Variants in SORCS2 observed in about 807,000 individuals in gnomAD.
SORCS2 encodes the protein sortilin related VPS10 domain containing receptor 2.
SORCS2 carries 100 observed loss-of-function variants against 141.6 expected under a neutral mutation model. The ratio of observed to expected loss-of-function variants is 0.71; its 90% CI spans 0.60 to 0.83. SORCS2 has a LOEUF of 0.83. Ranked by LOEUF, SORCS2 falls within the 40% of genes least tolerant of loss-of-function variation. SORCS2 has a pLI of 0.00. For missense variants in SORCS2, 1,646 were observed against 1,560.2 expected (o/e 1.05, Z -0.93); for synonymous variants, 789 against 676.9 (o/e 1.17, Z -2.57).
At chr4:7,726,978 C>G in intron 21 of SORCS2, 75 bp downstream of exon 21, 1 of 1,509,730 alleles carries the variant, frequency 6.6e-7, no homozygotes, top group Non-Finnish European at 8.9e-7. Context: ...CCACATGGGT[C>G]GCGTAAGCCA....
At chr4:7,505,626 A>G (rs753244) in intron 2 of SORCS2, among the ~76,000 whole-genome samples, 3,033 of 152,166 alleles carry the variant, frequency 0.02, 63 homozygotes, top group Admixed American at 0.076. Flanking sequence ...TGTACAAAGC[A>G]GTGCACACCC....
In SORCS2 at chr4:7,235,891, A is replaced by T. The variant is rs373970549; in HGVS notation, c.480+42765A>T. The stretch of plus-strand genomic sequence containing the variant: ...GCTAGCGCTGCAATTCCATTTAGAC[A>T]GGTGTGAGCACCCGTGAAACTCTAG... On this transcript the variant is annotated intron_variant, in intron 1 of 26. Coordinates refer to ENST00000507866, the MANE Select transcript of SORCS2 (RefSeq NM_020777.3). Among the ~76,000 whole-genome samples, 5 of 152,192 alleles carry T rather than the reference A, an allele frequency of 3.3e-5. No homozygotes were observed. In the East Asian group the frequency reaches 7.7e-4, roughly 23 times the overall value.
chr4:7,728,955 C>T (rs1467514357), intron 22 of SORCS2, among the ~76,000 whole-genome samples: 1 of 152,184 alleles, frequency 6.6e-6, no homozygotes, highest in African/African-American at 2.4e-5. Flanking sequence ...TCCTCTGGAG[C>T]CACCTGAGGC....
At chr4:7,655,565 CTCTGGAATGCCGATGGCTGGT>C in intron 5 of SORCS2, among the ~76,000 whole-genome samples, 1 of 152,250 alleles carries the variant, frequency 6.6e-6, no homozygotes, top group East Asian at 1.9e-4. Context: ...AGCCTTTTTC[CTCTGGAATGCCGATGGCTGGT>C]GTACACGCCG....
intron 3 of SORCS2, among the ~76,000 whole-genome samples, chr4:7,576,705 C>T (rs756216101): frequency 2.0e-5 from 3 of 152,132 alleles, no homozygotes; most frequent in African/African-American, 7.2e-5. Context: ...AACGAAGCTA[C>T]TGTGGGCGGG....
At chr4:7,401,929 G>T (rs911309095) in intron 2 of SORCS2, among the ~76,000 whole-genome samples, 11 of 152,142 alleles carry the variant, frequency 7.2e-5, no homozygotes, top group African/African-American at 2.7e-4. Context: ...AACATATCCT[G>T]AAAAGTACCT....
At chr4:7,219,269 C>T (rs1270875350) in intron 1 of SORCS2, among the ~76,000 whole-genome samples, 1 of 152,016 alleles carries the variant, frequency 6.6e-6, no homozygotes, top group Admixed American at 6.6e-5. Flanking sequence ...TTTGAGGTAA[C>T]CCATGCGACA....
chr4:7,305,094 T>TGC (rs1717698785), intron 1 of SORCS2, among the ~76,000 whole-genome samples: 1 of 150,134 alleles, frequency 6.7e-6, no homozygotes, highest in Admixed American at 6.6e-5. Flanking sequence ...GTGCAGTGAG[T>TGC]GATCTCAGCT....
chr4:7,626,131 G>A (rs1283493277), intron 3 of SORCS2, among the ~76,000 whole-genome samples: 2 of 151,424 alleles, frequency 1.3e-5, no homozygotes, highest in South Asian at 2.1e-4. Flanking sequence ...TGGGTGACAG[G>A]GCAAGACCCT....
At chr4:7,641,212 A>T (rs960292125) in intron 4 of SORCS2, among the ~76,000 whole-genome samples, 2 of 152,152 alleles carry the variant, frequency 1.3e-5, no homozygotes, top group Admixed American at 6.5e-5. Context: ...ACTACCTGAG[A>T]CTGATTAATT....
intron 10 of SORCS2, 82 bp downstream of exon 10, chr4:7,682,971 G>A: frequency 2.0e-6 from 3 of 1,506,208 alleles, no homozygotes; most frequent in East Asian, 2.4e-5. Context: ...GTCAGAGGTG[G>A]TGATGTCTGA....
intron 1 of SORCS2, among the ~76,000 whole-genome samples, chr4:7,274,169 C>G (rs1715321334): frequency 6.6e-6 from 1 of 152,212 alleles, no homozygotes. Context: ...AAAAACAGAT[C>G]CGGCTGGACA....
At chr4:7,514,956 C>A (rs979500354) in intron 2 of SORCS2, among the ~76,000 whole-genome samples, 4 of 152,128 alleles carry the variant, frequency 2.6e-5, no homozygotes, top group Non-Finnish European at 5.9e-5. Context: ...TCAGAGGTCA[C>A]CCCCCAGGAA....
intron 1 of SORCS2, among the ~76,000 whole-genome samples, chr4:7,350,476 A>G (rs1438571597): frequency 1.3e-5 from 2 of 152,232 alleles, no homozygotes; most frequent in Non-Finnish European, 2.9e-5. Flanking sequence ...GATGTCCAAA[A>G]TCCTGCTAGA....
intron 2 of SORCS2, among the ~76,000 whole-genome samples, chr4:7,476,911 C>T (rs1490408762): frequency 1.3e-5 from 2 of 152,230 alleles, no homozygotes; most frequent in Non-Finnish European, 2.9e-5. Flanking sequence ...CAACTCAGTG[C>T]TATGTGGTCT....
chr4:7,543,766 A>G (rs1712953034), intron 3 of SORCS2, among the ~76,000 whole-genome samples: 1 of 96,836 alleles, frequency 1.0e-5, no homozygotes, highest in African/African-American at 4.5e-5. Context: ...CCACCCACCC[A>G]TCCGTCCATC....
rs199791875 is a variant in SORCS2, at chr4:7,704,196, C to T, written c.1780C>T (p.Leu594Phe). The T allele has an allele frequency of 1.7e-4, 273 of 1,612,558 alleles. 2 individuals are homozygous for T. The highest frequency in any genetic ancestry group is 2.3e-4 in the Non-Finnish European group (269 of 1,179,500). The change falls in exon 14 of 27, where the codon CTC (leucine) becomes TTC (phenylalanine). Residue 594 changes from leucine (L) to phenylalanine (F), a missense_variant. Transcript: ENST00000507866. ...TGGCAGGTTCAGTGTGGACGAGGGC[C>T]TCACCTGGAGCACGCACAACTTCAC... is the stretch of plus-strand genomic sequence containing the variant. ...KILKFSVDEG[L>F]TWSTHNFTST...
intron 1 of SORCS2, among the ~76,000 whole-genome samples, chr4:7,330,889 T>C (rs575123394): frequency 2.0e-5 from 3 of 152,034 alleles, no homozygotes; most frequent in Non-Finnish European, 4.4e-5. Flanking sequence ...GCGGCCGCCA[T>C]GGACAGGACG....
At chr4:7,249,815 A>C (rs1462171529) in intron 1 of SORCS2, among the ~76,000 whole-genome samples, 3 of 152,060 alleles carry the variant, frequency 2.0e-5, no homozygotes, top group South Asian at 2.1e-4. Flanking sequence ...AGATGCCAGG[A>C]CCCGCAGGTT....
Sources: allele counts gnomAD v4.1 joint callset (sites outside exome capture counted in the v4.1 genomes callset), GRCh38; gene constraint gnomAD v4.1.1; transcripts MANE v1.5; gene names NCBI Gene and HGNC (gene_info 2026-07-23, HGNC 2026-07-21).